The following SLC22A3 variants were observed in gnomAD, a reference collection of about 807,000 sequenced individuals.
SLC22A3 encodes the protein solute carrier family 22 member 3, also known as EMT organic cation transporter 3.
A neutral mutation model predicts 59.1 loss-of-function variants in SLC22A3; 51 were observed. That is an observed-to-expected ratio of 0.86 (90% confidence interval 0.69 to 1.09). The LOEUF is 1.09. Among genes scored for constraint, SLC22A3 ranks in the 50% least tolerant of loss-of-function variants. SLC22A3 has a pLI of 0.00. For missense variants in SLC22A3, 711 were observed against 726.3 expected (o/e 0.98, Z 0.24); for synonymous variants, 325 against 292.0 (o/e 1.11, Z -1.15).
In SLC22A3 at chr6:160,451,051, C is replaced by A. The variant is rs2114936620; in HGVS notation, c.1666C>A (p.Leu556Ile). ...GAAAACCCCAGTTTCCCGCTCTCAC[C>A]TTTGAGGCCCCCGACAAAGACAGAA... ...NKKTPVSRSH[L>I] The change falls in exon 11 of 11, where the codon CTT becomes ATT. Residue 556 changes from leucine (L) to isoleucine (I), a missense_variant. By Grantham distance (5) the Leu-to-Ile change is conservative. Coordinates refer to ENST00000275300, the MANE Select transcript of SLC22A3 (RefSeq NM_021977.4). The A allele has an allele frequency of 1.3e-6, 2 of 1,592,084 alleles. No individual in the cohort carries two copies. Among genetic ancestry groups the A allele is most frequent in the East Asian group, 2.3e-5 (1 of 43,924 alleles).
At chr6:160,373,596 G>T (rs1785479157) in intron 1 of SLC22A3, among the ~76,000 whole-genome samples, 1 of 152,192 alleles carries the variant, frequency 6.6e-6, no homozygotes, top group Non-Finnish European at 1.5e-5. Context: ...GTCTACTGAA[G>T]CTGTGCCCAC....
intron 1 of SLC22A3, among the ~76,000 whole-genome samples, chr6:160,352,391 A>C (rs1304310475): frequency 6.6e-6 from 1 of 152,226 alleles, no homozygotes; most frequent in Non-Finnish European, 1.5e-5. Context: ...GGGCAGAATA[A>C]AATACAATGT....
At chr6:160,377,373 T>A (rs1159567082) in intron 1 of SLC22A3, among the ~76,000 whole-genome samples, 2 of 151,776 alleles carry the variant, frequency 1.3e-5, no homozygotes, top group Non-Finnish European at 2.9e-5. Flanking sequence ...TAGTCCCAGC[T>A]ACTCAGGAGG....
Position 160,437,279 on chromosome 6 carries a change from A to G in SLC22A3, c.1288+68A>G, listed in dbSNP as rs1788379671. Reference sequence around the variant, plus strand: ...AACACCTAAATCCACAATCAAGTATAGGGAGCCACTTGTTCTTAGGAAATG... The same window carrying G: ...AACACCTAAATCCACAATCAAGTATGGGGAGCCACTTGTTCTTAGGAAATG... On this transcript the variant is annotated intron_variant, in intron 7 of 10. Coordinates refer to ENST00000275300, the MANE Select transcript of SLC22A3 (RefSeq NM_021977.4). The G allele has an allele frequency of 1.0e-5, 15 of 1,464,610 alleles. No individual in the cohort carries two copies. The South Asian group carries it at 1.5e-4, about 14-fold the overall frequency. 90.7% of individuals were successfully genotyped at this position (1,464,610 alleles called of 1,614,324 possible).
intron 7 of SLC22A3, among the ~76,000 whole-genome samples, chr6:160,441,956 G>T (rs1366369720): frequency 6.6e-6 from 1 of 152,130 alleles, no homozygotes; most frequent in Non-Finnish European, 1.5e-5. Context: ...TGACTTTTTA[G>T]AGTAAAAATG....
intron 5 of SLC22A3, among the ~76,000 whole-genome samples, chr6:160,423,051 A>G (rs1787807499): frequency 6.6e-6 from 1 of 152,026 alleles, no homozygotes; most frequent in East Asian, 1.9e-4. Flanking sequence ...CTCATTGTTC[A>G]ATTCCCACCT....
At chr6:160,370,994 A>G (rs957096687) in intron 1 of SLC22A3, among the ~76,000 whole-genome samples, 2 of 151,572 alleles carry the variant, frequency 1.3e-5, no homozygotes, top group Non-Finnish European at 2.9e-5. Context: ...CTCCCAGCTT[A>G]CCTCCTCTCC....
In SLC22A3 at chr6:160,447,723, C is replaced by A; in HGVS notation, c.1515C>A (p.Ile505=). The change falls in exon 10 of 11, where the codon ATC becomes ATA. Residue 505 remains isoleucine (I), a synonymous_variant. Transcript: ENST00000275300. ...WLELPLIIFG[I]LASICGGLVM... ...CACCTTTCCCCTATTCCATAGGTAT[C>A]CTGGCATCCATCTGTGGTGGCCTTG... 2 of 1,613,862 alleles carry A rather than the reference C, an allele frequency of 1.2e-6. No homozygotes were observed. Among genetic ancestry groups the A allele is most frequent in the Admixed American group, 3.3e-5 (2 of 60,024 alleles).
chr6:160,399,499 A>C (rs566359148), intron 2 of SLC22A3, among the ~76,000 whole-genome samples: 2 of 152,022 alleles, frequency 1.3e-5, no homozygotes, highest in Non-Finnish European at 2.9e-5. Context: ...CTATATTCTC[A>C]TAAGTGATTG....
In SLC22A3 at chr6:160,443,711, C is replaced by G. The variant is rs375441947; in HGVS notation, c.1479C>G (p.Ala493=). 2.5e-6 allele frequency: 4 copies of G among 1,613,206 alleles called. No individual in the cohort carries two copies. Among genetic ancestry groups the G allele is most frequent in the Non-Finnish European group, 3.4e-6 (4 of 1,179,550 alleles). ...IAPFLLFRLA[A]VWLELPLIIF... Reference sequence around the variant, plus strand: ...CATTTCTGCTCTTTCGGCTAGCAGCCGTGTGGCTAGAACTACCTCTGATCA... The same window carrying G: ...CATTTCTGCTCTTTCGGCTAGCAGCGGTGTGGCTAGAACTACCTCTGATCA... The change falls in exon 9 of 11, where the codon GCC becomes GCG. Residue 493 remains alanine, a synonymous_variant. Coordinates refer to ENST00000275300, the MANE Select transcript of SLC22A3 (RefSeq NM_021977.4).
At position 160,358,686 on chromosome 6, in the gene SLC22A3, G is replaced by A. The variant is rs535021220; in HGVS notation, c.429+9838G>A. ...GACAAATGAGAAACATGCAGGAACCGCTGAGCATGTGGAAGGTCCTGGGCA... is the reference window on the plus strand; with the variant it reads ...GACAAATGAGAAACATGCAGGAACCACTGAGCATGTGGAAGGTCCTGGGCA... On this transcript the variant is annotated intron_variant, in intron 1 of 10. Transcript: ENST00000275300. Among the ~76,000 whole-genome samples, 11 of 152,346 alleles carry A rather than the reference G, an allele frequency of 7.2e-5. No individual in the cohort carries two copies. In the South Asian group the frequency reaches 1.0e-3, roughly 14 times the overall value.
chr6:160,444,466 GT>G (rs1788671302), intron 9 of SLC22A3, among the ~76,000 whole-genome samples: 4 of 152,192 alleles, frequency 2.6e-5, no homozygotes, highest in Admixed American at 2.6e-4. Context: ...AAAAATCCAT[GT>G]GGAGGGAGCA....
intron 1 of SLC22A3, among the ~76,000 whole-genome samples, chr6:160,357,143 G>T (rs1345692656): frequency 6.6e-6 from 1 of 152,204 alleles, no homozygotes; most frequent in African/African-American, 2.4e-5. Flanking sequence ...GGAAGGGTAG[G>T]CACAAGCCTG....
chr6:160,442,658 A>C, intron 7 of SLC22A3, 103 bp from the exon 8 acceptor site: 1 of 833,888 alleles, frequency 1.2e-6, no homozygotes, highest in Non-Finnish European at 2.1e-6. Context: ...ATTGGCAAAG[A>C]CTTCAGACTG....
intron 5 of SLC22A3, among the ~76,000 whole-genome samples, chr6:160,413,065 C>A (rs1304633443): frequency 2.0e-5 from 3 of 151,848 alleles, no homozygotes; most frequent in Middle Eastern, 3.4e-3. Context: ...AGAAAGGAAT[C>A]TAGAAAGGAA....
At chr6:160,382,991 C>T (rs1785852578) in intron 1 of SLC22A3, among the ~76,000 whole-genome samples, 1 of 151,982 alleles carries the variant, frequency 6.6e-6, no homozygotes, top group African/African-American at 2.4e-5. Flanking sequence ...AAAAATGGCC[C>T]AATCTTAAGA....
At chr6:160,421,466 C>T (rs1787734243) in intron 5 of SLC22A3, among the ~76,000 whole-genome samples, 1 of 152,188 alleles carries the variant, frequency 6.6e-6, no homozygotes, top group Non-Finnish European at 1.5e-5. Flanking sequence ...GTGGGCTTCC[C>T]CCTTTTCCTT....
intron 5 of SLC22A3, among the ~76,000 whole-genome samples, chr6:160,411,595 A>T (rs1787251625): frequency 6.6e-6 from 1 of 152,152 alleles, no homozygotes; most frequent in Non-Finnish European, 1.5e-5. Context: ...TTTAAAAACT[A>T]TGTGGGCATG....
chr6:160,447,454 A>G (rs776948359), intron 9 of SLC22A3, among the ~76,000 whole-genome samples: 12 of 152,074 alleles, frequency 7.9e-5, no homozygotes, highest in Non-Finnish European at 1.5e-4. Context: ...CTAAGAAGGA[A>G]CTCAGTCAAT....
Sources: gnomAD v4.1 joint callset for allele counts (sites outside exome capture counted in the v4.1 genomes callset) on GRCh38, gnomAD v4.1.1 for gene constraint, MANE v1.5 for transcripts, NCBI Gene and HGNC (gene_info 2026-07-23, HGNC 2026-07-21) for gene names.